GALNTL6: variants seen among roughly 807,000 people sequenced by gnomAD.
GALNTL6 encodes the protein polypeptide N-acetylgalactosaminyltransferase like 6, also known as polypeptide N-acetylgalactosaminyltransferase-like 6.
In GALNTL6, 46 loss-of-function variants were observed where a neutral mutation model predicts 73.7. The observed-to-expected ratio is 0.62, with a 90% confidence interval of 0.49 to 0.80. GALNTL6 has a LOEUF of 0.80. GALNTL6 is among the 30% of genes least tolerant of loss of function. The pLI is 0.00. For synonymous variants in GALNTL6, 259 were observed against 263.7 expected, an observed-to-expected ratio of 0.98 and a Z score of 0.17; for missense variants, 604 against 755.0, an observed-to-expected ratio of 0.80 and a Z score of 2.34.
chr4:172,140,167 A>G (rs1733763466), intron 2 of GALNTL6, among the ~76,000 whole-genome samples: 1 of 152,036 alleles, frequency 6.6e-6, no homozygotes, highest in African/African-American at 2.4e-5. Flanking sequence ...AATTCGTTAC[A>G]TTTCTTTATG....
chr4:172,471,922 T>C lies in GALNTL6; in HGVS notation c.553+123233T>C, dbSNP rs116043433. Among the ~76,000 whole-genome samples the C allele has an allele frequency of 2.7e-3, 410 of 152,330 alleles. 1 individual carries two copies. The highest frequency in any genetic ancestry group is 9.4e-3 in the African/African-American group (390 of 41,576). ...CATCACTCATTTACTTAGCCAACAATTCAGTTTTTTTCTTTTTCTTCTCTC... is the reference window on the plus strand; with the variant it reads ...CATCACTCATTTACTTAGCCAACAACTCAGTTTTTTTCTTTTTCTTCTCTC... On this transcript the variant is annotated intron_variant, in intron 5 of 12. Transcript: ENST00000506823.
Position 172,264,589 on chromosome 4 carries a change from T to TGCCAA in GALNTL6, c.247+34825_247+34826insGCCAA, listed in dbSNP as rs1224838602. ...ATATATATATATATATATATATATATATATTTGGCATATATATACACATAT... is the reference window on the plus strand; with the variant it reads ...ATATATATATATATATATATATATATGCCAAATATTTGGCATATATATACACATAT... On this transcript the variant is annotated intron_variant, in intron 3 of 12. Transcript: ENST00000506823. 7.9e-4 allele frequency among the ~76,000 whole-genome samples: 79 copies of TGCCAA among 99,556 alleles called. 1 individual carries two copies. The highest frequency in any genetic ancestry group is 2.8e-3 in the African/African-American group (73 of 26,310). The allele number at this position is 99,556 out of a possible 152,430, so 65.3% of individuals were successfully genotyped here.
At chr4:172,871,590 G>GC (rs1553997694) in intron 7 of GALNTL6, among the ~76,000 whole-genome samples, 2 of 125,286 alleles carry the variant, frequency 1.6e-5, no homozygotes, top group African/African-American at 5.6e-5. Context: ...TCTGACTCTG[G>GC]GGGGGGTGTG....
chr4:172,419,094 C>T (rs1242943463), intron 5 of GALNTL6, among the ~76,000 whole-genome samples: 3 of 151,860 alleles, frequency 2.0e-5, no homozygotes, highest in Non-Finnish European at 4.4e-5. Flanking sequence ...TATATTTGCA[C>T]CTTTATAGTG....
At chr4:172,171,119 C>T (rs549859477) in intron 2 of GALNTL6, among the ~76,000 whole-genome samples, 1 of 152,310 alleles carries the variant, frequency 6.6e-6, no homozygotes, top group East Asian at 1.9e-4. Context: ...AACAACAACT[C>T]ATAGCCAAAG....
chr4:172,241,453 T>C (rs28512372), intron 3 of GALNTL6, among the ~76,000 whole-genome samples: 5,945 of 152,322 alleles, frequency 0.039, 376 homozygotes, highest in African/African-American at 0.13. Flanking sequence ...GGATTCTCTT[T>C]TGGCACATCT....
chr4:172,206,404 A>G (rs188754418), intron 2 of GALNTL6, among the ~76,000 whole-genome samples: 127 of 152,332 alleles, frequency 8.3e-4, no homozygotes, highest in Middle Eastern at 3.4e-3. Context: ...ATGAGAAAGC[A>G]TATTTTGTTA....
chr4:172,196,139 C>A (rs1013434751), intron 2 of GALNTL6, among the ~76,000 whole-genome samples: 8 of 150,160 alleles, frequency 5.3e-5, no homozygotes, highest in Non-Finnish European at 1.2e-4. Context: ...CACAGAAATA[C>A]AAACAACATA....
At chr4:171,833,637 C>T (rs1273923351) in intron 2 of GALNTL6, among the ~76,000 whole-genome samples, 3 of 151,610 alleles carry the variant, frequency 2.0e-5, no homozygotes, top group African/African-American at 7.2e-5. Context: ...CTCTTCTGCT[C>T]TTCTGGTTTC....
At chr4:172,212,328 A>ATTT (rs1356764224) in intron 2 of GALNTL6, among the ~76,000 whole-genome samples, 4 of 151,830 alleles carry the variant, frequency 2.6e-5, no homozygotes, top group Admixed American at 6.6e-5. Context: ...CGCCTGGCTA[A>ATTT]TTTTTATATT....
intron 2 of GALNTL6, among the ~76,000 whole-genome samples, chr4:171,856,119 T>C (rs1390203578): frequency 2.6e-5 from 4 of 152,120 alleles, no homozygotes; most frequent in Non-Finnish European, 1.5e-5. Flanking sequence ...TGTTGTTGTT[T>C]TGAGACGGAG....
At chr4:171,857,445 T>A (rs17057500) in intron 2 of GALNTL6, among the ~76,000 whole-genome samples, 3,037 of 152,116 alleles carry the variant, frequency 0.02, 108 homozygotes, top group African/African-American at 0.065. Flanking sequence ...ACATAGAGAA[T>A]CTTGGCTTGA....
rs375049014 is a variant in GALNTL6 at position 172,042,618 on chromosome 4, T to C, written c.139-187038T>C. 1.2e-4 allele frequency among the ~76,000 whole-genome samples: 18 copies of C among 152,080 alleles called. No individual in the cohort carries two copies. In the South Asian group the frequency reaches 2.5e-3, roughly 21 times the overall value. On this transcript the variant is annotated intron_variant, in intron 2 of 12. Coordinates refer to ENST00000506823, the MANE Select transcript of GALNTL6 (RefSeq NM_001034845.3). Reference sequence around the variant, plus strand: ...AAGCGAAATCCTCAGTTATCTTTGATGGTTTCTTTTTATTATCTGGAAAAA... The same window carrying C: ...AAGCGAAATCCTCAGTTATCTTTGACGGTTTCTTTTTATTATCTGGAAAAA...
intron 7 of GALNTL6, among the ~76,000 whole-genome samples, chr4:172,868,606 C>T (rs556014278): frequency 6.6e-6 from 1 of 152,248 alleles, no homozygotes; most frequent in South Asian, 2.1e-4. Flanking sequence ...ATTTATCTAG[C>T]TATTTCACTG....
chr4:172,580,113 A>T (rs1016410709), intron 5 of GALNTL6, among the ~76,000 whole-genome samples: 3 of 152,212 alleles, frequency 2.0e-5, no homozygotes, highest in Admixed American at 1.3e-4. Flanking sequence ...GATGCCTCAA[A>T]TAAATCTGAC....
chr4:172,155,966 A>G (rs972946166), intron 2 of GALNTL6, among the ~76,000 whole-genome samples: 27 of 152,218 alleles, frequency 1.8e-4, no homozygotes, highest in Admixed American at 1.8e-3. Flanking sequence ...ACATACTTCA[A>G]AAGATAATTT....
chr4:172,544,127 T>C (rs879171437), intron 5 of GALNTL6, among the ~76,000 whole-genome samples: 1 of 152,200 alleles, frequency 6.6e-6, no homozygotes, highest in Admixed American at 6.5e-5. Flanking sequence ...AGAAAGCTGT[T>C]GTGCCACTTG....
At chr4:172,744,838 TGC>T (rs974282425) in intron 5 of GALNTL6, among the ~76,000 whole-genome samples, 6 of 54,146 alleles carry the variant, frequency 1.1e-4, no homozygotes, top group Admixed American at 4.5e-4. Context: ...AGAGTGCGCG[TGC>T]GTGTGTGTGT....
chr4:172,851,115 C>T (rs1230023272), intron 7 of GALNTL6, among the ~76,000 whole-genome samples: 4 of 152,080 alleles, frequency 2.6e-5, no homozygotes, highest in Admixed American at 1.3e-4. Context: ...CTAATCGTGG[C>T]TCAGTCTTTC....
Sources: allele counts gnomAD v4.1 joint callset (sites outside exome capture counted in the v4.1 genomes callset), GRCh38; gene constraint gnomAD v4.1.1; transcripts MANE v1.5; gene names NCBI Gene and HGNC (gene_info 2026-07-23, HGNC 2026-07-21).